OPN3: variants seen among roughly 807,000 people sequenced by gnomAD.
OPN3 encodes the protein opsin-3.
Under a neutral mutation model 33.8 loss-of-function variants are expected in OPN3, and 29 were observed. That is an observed-to-expected ratio of 0.86 (90% confidence interval 0.64 to 1.17). OPN3 has a LOEUF of 1.17. Ranked by LOEUF, OPN3 falls within the 50% of genes most tolerant of loss-of-function variation. The pLI, the probability that OPN3 is intolerant of heterozygous loss-of-function variation, is 0.00. For synonymous variants in OPN3, 216 were observed against 216.1 expected, an observed-to-expected ratio of 1.00 and a Z score of 0.00; for missense variants, 437 against 514.1, an observed-to-expected ratio of 0.85 and a Z score of 1.45.
rs779011452 is a variant in OPN3, at chr1:241,634,622, T to G, written c.373+5260A>C. ...ACAGAAACCCTGGGGAATTTCTCCT[T>G]GGCCATACAAGGGAAATAAAAAGGG... On this transcript the variant is annotated intron_variant, in intron 1 of 3. Coordinates refer to ENST00000366554, the MANE Select transcript of OPN3 (RefSeq NM_014322.3). The G allele has an allele frequency of 7.4e-6, 12 of 1,613,956 alleles. No homozygotes were observed. The highest frequency in any genetic ancestry group is 8.5e-6 in the Non-Finnish European group (10 of 1,179,912).
In OPN3 at chr1:241,594,446, G is replaced by A; in HGVS notation, c.1191C>T (p.Ile397=). ...DKTNGSKVDV[I]QVRPL Reference sequence around the variant, plus strand: ...TTCATTCCTACAAAGGACGAACTTGGATTACATCAACTTTGGACCCATTGG... The same window carrying A: ...TTCATTCCTACAAAGGACGAACTTGAATTACATCAACTTTGGACCCATTGG... The change falls in exon 4 of 4, where the codon ATC becomes ATT. Residue 397 remains isoleucine (I), a synonymous_variant. Transcript: ENST00000366554. 6.2e-7 allele frequency: 1 copy of A among 1,613,244 alleles called. No homozygotes were observed.
chr1:241,629,651 T>C (rs978816838), intron 1 of OPN3: 3 of 152,134 alleles, frequency 2.0e-5, no homozygotes, highest in Admixed American at 6.5e-5. Context: ...CCAATTGCCA[T>C]GAAGTTCCTT....
intron 1 of OPN3, among the ~76,000 whole-genome samples, chr1:241,609,386 A>AT (rs566023034): frequency 2.0e-5 from 3 of 152,246 alleles, no homozygotes; most frequent in South Asian, 4.1e-4. Context: ...AAATCCTGTG[A>AT]TTTTGTCTTA....
chr1:241,597,083 G>T (rs1208444175), intron 3 of OPN3, among the ~76,000 whole-genome samples: 1 of 152,096 alleles, frequency 6.6e-6, no homozygotes, highest in Non-Finnish European at 1.5e-5. Context: ...TTCTGCCTCA[G>T]CATGCCCAAG....
chr1:241,632,109 A>G (rs1020335862), intron 1 of OPN3: 2 of 152,156 alleles, frequency 1.3e-5, no homozygotes, highest in African/African-American at 4.8e-5. Context: ...TAACTGAATC[A>G]TGGAGTTGTT....
At chr1:241,611,083 C>T (rs1488858691) in intron 1 of OPN3, among the ~76,000 whole-genome samples, 1 of 152,066 alleles carries the variant, frequency 6.6e-6, no homozygotes, top group Admixed American at 6.5e-5. Context: ...GGACAGGGCT[C>T]TGGAGGTTAA....
chr1:241,634,109 TA>T (rs1664767776), intron 1 of OPN3: 1 of 1,610,638 alleles, frequency 6.2e-7, no homozygotes, highest in Non-Finnish European at 8.5e-7. Context: ...CATATTAAAA[TA>T]AAGAGCCCAC....
At chr1:241,612,649 T>C (rs1239568919) in intron 1 of OPN3, among the ~76,000 whole-genome samples, 4 of 152,218 alleles carry the variant, frequency 2.6e-5, no homozygotes, top group Non-Finnish European at 5.9e-5. Flanking sequence ...GACAAAATTA[T>C]AGTTCCCCTT....
intron 1 of OPN3, chr1:241,635,179 T>G: frequency 6.2e-7 from 1 of 1,613,082 alleles, no homozygotes; most frequent in Non-Finnish European, 8.5e-7. Flanking sequence ...CATCTTTATC[T>G]CCATCTTTAT....
In OPN3 at chr1:241,605,055, C is replaced by CAAAA. The variant is rs35256239; in HGVS notation, c.374-480_374-477dup. ...TGGGCAACAGAGCCAGACCTTATCT[C>CAAAA]AAAAAAAAAAAAAATAAAATAAAAT... On this transcript the variant is annotated intron_variant, in intron 1 of 3. Transcript: ENST00000366554. Among the ~76,000 whole-genome samples the CAAAA allele has an allele frequency of 1.9e-3, 246 of 126,350 alleles. 1 individual carries two copies. Among genetic ancestry groups the CAAAA allele is most frequent in the South Asian group, 3.1e-3 (12 of 3,892 alleles). 82.9% of individuals were successfully genotyped at this position (126,350 alleles called of 152,430 possible).
intron 1 of OPN3, among the ~76,000 whole-genome samples, chr1:241,624,864 A>G (rs546224750): frequency 1.3e-5 from 2 of 149,224 alleles, no homozygotes; most frequent in East Asian, 2.0e-4. Context: ...TCTACCACTT[A>G]CCAGCTGTGT....
At chr1:241,601,567 A>G (rs1361007666) in intron 2 of OPN3, among the ~76,000 whole-genome samples, 1 of 152,058 alleles carries the variant, frequency 6.6e-6, no homozygotes, top group Non-Finnish European at 1.5e-5. Context: ...TTAGCCAGGC[A>G]TGGTGGTGGG....
chr1:241,634,784 G>C (rs765496390), intron 1 of OPN3: 2 of 1,613,892 alleles, frequency 1.2e-6, no homozygotes, highest in South Asian at 2.2e-5. Flanking sequence ...TAGTTTTTTA[G>C]TTTTTAAGTA....
rs544825228 is a variant in OPN3 at position 241,623,999 on chromosome 1, C to T, written c.373+15883G>A. Among the ~76,000 whole-genome samples, 13 of 152,138 alleles carry T rather than the reference C, an allele frequency of 8.5e-5. No individual in the cohort carries two copies. In the East Asian group the frequency reaches 2.5e-3, roughly 29 times the overall value. Reference sequence around the variant, plus strand: ...CCTGTCCTGCCTCTCCACGCCAGGCCAGGCACTCTATGCTCCAGGCACTGT... The same window carrying T: ...CCTGTCCTGCCTCTCCACGCCAGGCTAGGCACTCTATGCTCCAGGCACTGT... On this transcript the variant is annotated intron_variant, in intron 1 of 3. Coordinates refer to ENST00000366554, the MANE Select transcript of OPN3 (RefSeq NM_014322.3).
intron 2 of OPN3, 36 bp from the exon 3 acceptor site, chr1:241,598,033 A>G (rs200266866): frequency 1.7e-4 from 278 of 1,597,354 alleles, no homozygotes; most frequent in Middle Eastern, 1.0e-3. Flanking sequence ...GGGCTTAAAA[A>G]ACAAAAGAAG....
intron 1 of OPN3, among the ~76,000 whole-genome samples, chr1:241,620,574 C>G (rs1359715617): frequency 6.6e-6 from 1 of 152,188 alleles, no homozygotes; most frequent in Non-Finnish European, 1.5e-5. Flanking sequence ...CTGCTGGTAC[C>G]CTGATCTCAG....
At chr1:241,604,830 A>T (rs1344177872) in intron 1 of OPN3, among the ~76,000 whole-genome samples, 1 of 152,084 alleles carries the variant, frequency 6.6e-6, no homozygotes, top group African/African-American at 2.4e-5. Flanking sequence ...CTGAGGTGGG[A>T]GGATTGCTTG....
chr1:241,635,457 A>T, intron 1 of OPN3: 2 of 1,613,832 alleles, frequency 1.2e-6, no homozygotes, highest in Non-Finnish European at 1.7e-6. Context: ...TGACTGGCGT[A>T]GCAAAAAGCT....
intron 1 of OPN3, chr1:241,615,758 A>C (rs1418048822): frequency 1.4e-5 from 6 of 441,562 alleles, no homozygotes; most frequent in South Asian, 3.2e-5. Context: ...CCTACTCCCA[A>C]CTGTGTGCCC....
Sources: allele counts gnomAD v4.1 joint callset (sites outside exome capture counted in the v4.1 genomes callset), GRCh38; gene constraint gnomAD v4.1.1; transcripts MANE v1.5; gene names NCBI Gene and HGNC (gene_info 2026-07-23, HGNC 2026-07-21).